Variants in HPSE2 observed in about 807,000 individuals in gnomAD.
HPSE2 encodes the protein heparanase 2 (inactive), also known as inactive heparanase-2.
HPSE2 carries 38 observed loss-of-function variants against 60.5 expected under a neutral mutation model. That is an observed-to-expected ratio of 0.63 (90% CI 0.48 to 0.82). The LOEUF (loss-of-function observed/expected upper bound fraction) is 0.82. Among genes scored for constraint, HPSE2 ranks in the 40% least tolerant of loss-of-function variants. The pLI is 0.00. For synonymous variants in HPSE2, 295 were observed against 293.2 expected, an observed-to-expected ratio of 1.01 and a Z score of -0.06; for missense variants, 713 against 740.4, an observed-to-expected ratio of 0.96 and a Z score of 0.43.
intron 3 of HPSE2, among the ~76,000 whole-genome samples, chr10:99,096,814 A>G (rs1036827212): frequency 2.0e-5 from 3 of 152,100 alleles, no homozygotes; most frequent in Non-Finnish European, 4.4e-5. Context: ...CAATCATGAT[A>G]TGGGACTTTC....
the HPSE2 span, among the ~76,000 whole-genome samples, chr10:99,258,365 G>A: frequency 4.6e-5 from 7 of 151,442 alleles, no homozygotes; most frequent in Non-Finnish European, 7.4e-5. Context: ...AGAGATAAAT[G>A]AAAGAAAATC....
At chr10:99,171,741 T>A (rs1218164624) in intron 2 of HPSE2, among the ~76,000 whole-genome samples, 3 of 152,108 alleles carry the variant, frequency 2.0e-5, no homozygotes, top group African/African-American at 4.8e-5. Flanking sequence ...ACTTGATACA[T>A]CCTTTTTGAT....
At chr10:99,072,185 A>G (rs190471594) in intron 3 of HPSE2, among the ~76,000 whole-genome samples, 72 of 152,298 alleles carry the variant, frequency 4.7e-4, no homozygotes, top group African/African-American at 1.7e-3. Flanking sequence ...GGACATTTTA[A>G]TAACATGAAG....
intron 2 of HPSE2, among the ~76,000 whole-genome samples, chr10:99,218,731 A>G (rs1849216909): frequency 6.6e-6 from 1 of 152,192 alleles, no homozygotes; most frequent in East Asian, 1.9e-4. Context: ...CAAATGTTCT[A>G]TGAAACAATA....
chr10:98,910,854 G>A (rs1477045905), intron 3 of HPSE2, among the ~76,000 whole-genome samples: 1 of 152,158 alleles, frequency 6.6e-6, no homozygotes, highest in Non-Finnish European at 1.5e-5. Context: ...TAAGGCATGA[G>A]TGCTCACAGA....
At chr10:98,814,024 G>A (rs544746996) in intron 3 of HPSE2, among the ~76,000 whole-genome samples, 3 of 152,180 alleles carry the variant, frequency 2.0e-5, no homozygotes, top group African/African-American at 7.2e-5. Flanking sequence ...CTGAAGTCTA[G>A]AGAGTCTAAG....
intron 3 of HPSE2, among the ~76,000 whole-genome samples, chr10:99,099,350 G>A (rs762205486): frequency 6.6e-6 from 1 of 152,188 alleles, no homozygotes; most frequent in Non-Finnish European, 1.5e-5. Flanking sequence ...ATTATATCCC[G>A]CACATGGCTC....
At position 98,498,453 on chromosome 10, in the gene HPSE2, T is replaced by C. The variant is rs191159206; in HGVS notation, c.1321-8257A>G. Among the ~76,000 whole-genome samples the C allele has an allele frequency of 3.3e-5, 5 of 152,270 alleles. No individual in the cohort carries two copies. The East Asian group carries it at 9.7e-4, about 29-fold the overall frequency. ...ATCCATAGGAAAAGGAGGAGAGTAC[T>C]ACATCAAGGGAACACCCCATGGGAC... On this transcript the variant is annotated intron_variant, in intron 9 of 11. Transcript: ENST00000370552.
chr10:98,819,564 TA>T (rs1951375811), intron 3 of HPSE2, among the ~76,000 whole-genome samples: 1 of 152,170 alleles, frequency 6.6e-6, no homozygotes, highest in Non-Finnish European at 1.5e-5. Flanking sequence ...CCATCACCTT[TA>T]ACTGACAACA....
rs564305146 is a variant in HPSE2, at chr10:98,727,523, C to T, written c.785-5695G>A. ...AAAATTAGCTGGGCATGGTGGTATG[C>T]GCCCATAGTCCCAGATACTTGGCTT... On this transcript the variant is annotated intron_variant, in intron 4 of 11. Coordinates refer to ENST00000370552, the MANE Select transcript of HPSE2 (RefSeq NM_021828.5). 5.1e-4 allele frequency among the ~76,000 whole-genome samples: 77 copies of T among 151,924 alleles called. 1 individual carries two copies. The highest frequency in any genetic ancestry group is 1.6e-3 in the African/African-American group (66 of 41,462).
intron 3 of HPSE2, among the ~76,000 whole-genome samples, chr10:98,947,712 A>C (rs1293160100): frequency 3.6e-5 from 5 of 140,592 alleles, no homozygotes; most frequent in Admixed American, 7.4e-5. Flanking sequence ...GGGTTTATGA[A>C]CAGGACTGCC....
At chr10:98,569,635 C>A (rs564009122) in intron 9 of HPSE2, among the ~76,000 whole-genome samples, 3 of 152,112 alleles carry the variant, frequency 2.0e-5, no homozygotes, top group African/African-American at 2.4e-5. Context: ...TCCCATGAAG[C>A]CTTTCTTGGT....
intron 3 of HPSE2, among the ~76,000 whole-genome samples, chr10:99,002,371 G>A (rs1281172660): frequency 6.6e-6 from 1 of 152,046 alleles, no homozygotes; most frequent in African/African-American, 2.4e-5. Flanking sequence ...ACTACGGTAT[G>A]GATACCGAGG....
chr10:99,233,430 A>G (rs1185478537), intron 1 of HPSE2, among the ~76,000 whole-genome samples: 1 of 152,236 alleles, frequency 6.6e-6, no homozygotes, highest in Non-Finnish European at 1.5e-5. Context: ...AGCACAAAAC[A>G]ATAGCATTTG....
intron 6 of HPSE2, among the ~76,000 whole-genome samples, chr10:98,662,200 A>G (rs913147321): frequency 4.6e-5 from 7 of 152,140 alleles, no homozygotes; most frequent in African/African-American, 1.7e-4. Context: ...GCCAAAATGG[A>G]AGGAATCTTA....
chr10:98,840,573 C>A (rs1317485142), intron 3 of HPSE2, among the ~76,000 whole-genome samples: 1 of 152,128 alleles, frequency 6.6e-6, no homozygotes, highest in Non-Finnish European at 1.5e-5. Flanking sequence ...GAGATAGACT[C>A]CGCAGGGCTT....
At chr10:98,599,003 T>C (rs931097792) in intron 9 of HPSE2, among the ~76,000 whole-genome samples, 1 of 151,870 alleles carries the variant, frequency 6.6e-6, no homozygotes, top group East Asian at 1.9e-4. Context: ...GGGGCCATCA[T>C]GGAACCTGGG....
intron 6 of HPSE2, among the ~76,000 whole-genome samples, chr10:98,693,270 C>A (rs1325736117): frequency 6.6e-6 from 1 of 152,220 alleles, no homozygotes; most frequent in African/African-American, 2.4e-5. Flanking sequence ...CCTTCTGGTA[C>A]AAATGCCCTA....
intron 3 of HPSE2, among the ~76,000 whole-genome samples, chr10:98,887,655 C>T (rs572982453): frequency 1.3e-5 from 2 of 151,630 alleles, no homozygotes; most frequent in African/African-American, 2.4e-5. Context: ...ACATAAAAGG[C>T]AAAAAGGGAG....
Sources: gnomAD v4.1 joint callset for allele counts (sites outside exome capture counted in the v4.1 genomes callset) on GRCh38, gnomAD v4.1.1 for gene constraint, MANE v1.5 for transcripts, NCBI Gene and HGNC (gene_info 2026-07-23, HGNC 2026-07-21) for gene names.